The following SHOC1 variants were observed in gnomAD, a reference collection of about 807,000 sequenced individuals.
SHOC1 encodes shortage in chiasmata 1, also known as protein shortage in chiasmata 1 ortholog.
In SHOC1, 136 loss-of-function variants were observed where a neutral mutation model predicts 179.2. The ratio of observed to expected loss-of-function variants is 0.76; its 90% CI spans 0.66 to 0.87. The LOEUF is 0.87. Among genes scored for constraint, SHOC1 ranks in the 40% least tolerant of loss-of-function variants. The pLI, the probability that SHOC1 is intolerant of heterozygous loss-of-function variation, is 0.00. For synonymous variants in SHOC1, 489 were observed against 586.6 expected (o/e 0.83, Z 2.41); for missense variants, 1,538 against 1,700.8 (o/e 0.90, Z 1.68).
intron 10 of SHOC1, 43 bp downstream of exon 10, chr9:111,746,191 G>T: frequency 7.7e-7 from 1 of 1,299,288 alleles, no homozygotes; most frequent in Non-Finnish European, 1.1e-6. Flanking sequence ...AAGACTGCTT[G>T]TTCTGAATTG....
intron 26 of SHOC1, 124 bp downstream of exon 26, chr9:111,693,675 T>C (rs182236266): frequency 1.2e-5 from 6 of 499,732 alleles, no homozygotes; most frequent in African/African-American, 2.0e-5. Flanking sequence ...ATTATTTCCT[T>C]GCTATTTGAA....
intron 2 of SHOC1, among the ~76,000 whole-genome samples, chr9:111,788,989 C>T (rs140795708): frequency 2.0e-3 from 299 of 152,290 alleles, no homozygotes; most frequent in Non-Finnish European, 2.5e-3. Flanking sequence ...CCTCTGAAAA[C>T]GCCCTGTTAT....
Position 111,692,731 on chromosome 9 carries a change from CTA to C in SHOC1, c.3466-222_3466-221del, listed in dbSNP as rs111914352. 2.9e-3 allele frequency among the ~76,000 whole-genome samples: 447 copies of C among 152,178 alleles called. 1 individual carries two copies. The highest frequency in any genetic ancestry group is 9.9e-3 in the African/African-American group (412 of 41,532). ...CACTTGTAATAGAATTTTTAATAGT[CTA>C]TTTTTCAGAACAATTTTAGGCTCAC... On this transcript the variant is annotated intron_variant, in intron 26 of 27. Coordinates refer to ENST00000682961, the MANE Select transcript of SHOC1 (RefSeq NM_001378211.1).
At chr9:111,712,550 A>G (rs1161305518) in intron 18 of SHOC1, among the ~76,000 whole-genome samples, 2 of 152,188 alleles carry the variant, frequency 1.3e-5, no homozygotes, top group African/African-American at 2.4e-5. Flanking sequence ...AAGAAAGAGC[A>G]GAGTTTGCAT....
In SHOC1 at chr9:111,714,569, C is replaced by A; in HGVS notation, c.2291G>T (p.Gly764Val). The A allele has an allele frequency of 3.1e-6, 5 of 1,613,840 alleles. No homozygotes were observed. Among genetic ancestry groups the A allele is most frequent in the Non-Finnish European group, 4.2e-6 (5 of 1,179,908 alleles). Reference sequence around the variant, plus strand: ...AATCTCCAGCTGTCTCCAAATGTCACCCAAATAGGGGCCTAAAATGCTGTT... The same window carrying A: ...AATCTCCAGCTGTCTCCAAATGTCAACCAAATAGGGGCCTAAAATGCTGTT... The part of the protein sequence containing the change: ...IYNSILGPYL[G>V]DIWRQLEIVQ... The change falls in exon 17 of 28, where the codon GGT becomes GTT. Residue 764 changes from glycine (G) to valine (V), a missense_variant. Coordinates refer to ENST00000682961, the MANE Select transcript of SHOC1 (RefSeq NM_001378211.1).
intron 1 of SHOC1, among the ~76,000 whole-genome samples, chr9:111,793,043 C>A (rs1364550917): frequency 6.6e-6 from 1 of 152,116 alleles, no homozygotes; most frequent in Non-Finnish European, 1.5e-5. Flanking sequence ...CCAACACGCC[C>A]GGCTAATTTT....
In SHOC1 at chr9:111,727,635, T is replaced by C. The variant is rs778533059; in HGVS notation, c.1832A>G (p.His611Arg). 36 of 1,563,378 alleles carry C rather than the reference T, an allele frequency of 2.3e-5. No homozygotes were observed. Among genetic ancestry groups the C allele is most frequent in the Non-Finnish European group, 2.5e-5 (29 of 1,159,392 alleles). ...CAAAATATTATTAAATTACTTACCATGTTTTTCATCACTGTTTGTGACTTC... is the reference window on the plus strand; with the variant it reads ...CAAAATATTATTAAATTACTTACCACGTTTTTCATCACTGTTTGTGACTTC... ...KTEVTNSDEK[H>R]DKEACSLTLQ... The change falls in exon 13 of 28, where the codon CAT becomes CGT. Residue 611 changes from histidine (H) to arginine (R), a missense_variant and splice_region_variant. By Grantham distance (29) the His-to-Arg change is conservative. Coordinates refer to ENST00000682961, the MANE Select transcript of SHOC1 (RefSeq NM_001378211.1).
At chr9:111,788,584 T>C (rs1047523216) in intron 2 of SHOC1, among the ~76,000 whole-genome samples, 2 of 152,190 alleles carry the variant, frequency 1.3e-5, no homozygotes, top group Non-Finnish European at 2.9e-5. Flanking sequence ...CCTACAGATA[T>C]TTTTTCTAGG....
intron 24 of SHOC1, among the ~76,000 whole-genome samples, chr9:111,699,561 G>T (rs1402876232): frequency 6.6e-6 from 1 of 152,190 alleles, no homozygotes; most frequent in African/African-American, 2.4e-5. Context: ...CACTGAAAAA[G>T]GGGGCCAAGG....
intron 24 of SHOC1, among the ~76,000 whole-genome samples, chr9:111,697,355 C>T (rs573861640): frequency 2.6e-5 from 4 of 152,216 alleles, no homozygotes; most frequent in Admixed American, 6.5e-5. Context: ...CGCCACCCCA[C>T]GACAGGCCCC....
At chr9:111,713,532 C>T (rs1034126138) in intron 17 of SHOC1, among the ~76,000 whole-genome samples, 1 of 152,124 alleles carries the variant, frequency 6.6e-6, no homozygotes, top group Non-Finnish European at 1.5e-5. Flanking sequence ...CTTACCATTA[C>T]AGTTTTGTGG....
At chr9:111,770,395 T>G (rs1835554270) in intron 5 of SHOC1, among the ~76,000 whole-genome samples, 1 of 152,208 alleles carries the variant, frequency 6.6e-6, no homozygotes, top group Non-Finnish European at 1.5e-5. Flanking sequence ...CTTGATATGA[T>G]TTCTATTTTG....
At chr9:111,782,224 G>T (rs1016631180) in intron 3 of SHOC1, among the ~76,000 whole-genome samples, 2 of 151,966 alleles carry the variant, frequency 1.3e-5, no homozygotes, top group Non-Finnish European at 2.9e-5. Flanking sequence ...AATAAAAAAA[G>T]AAAAAAAGTT....
At chr9:111,773,086 C>G (rs1485568270) in intron 5 of SHOC1, among the ~76,000 whole-genome samples, 1 of 151,968 alleles carries the variant, frequency 6.6e-6, no homozygotes, top group Non-Finnish European at 1.5e-5. Flanking sequence ...TTCTCTGTGT[C>G]CCTAGGATCT....
intron 14 of SHOC1, 115 bp from the exon 15 acceptor site, chr9:111,722,700 G>T: frequency 1.3e-6 from 1 of 772,900 alleles, no homozygotes; most frequent in Non-Finnish European, 2.0e-6. Flanking sequence ...ATTATTTTCT[G>T]AGTTAAAAAT....
intron 18 of SHOC1, among the ~76,000 whole-genome samples, chr9:111,711,329 G>T (rs537255714): frequency 3.2e-4 from 48 of 152,218 alleles, no homozygotes; most frequent in East Asian, 1.4e-3. Flanking sequence ...TTTCTTAATT[G>T]ATTCTTTCTG....
At position 111,686,609 on chromosome 9, in the gene SHOC1, C is replaced by A; in HGVS notation, c.*161G>T. Reference sequence around the variant, plus strand: ...ATATTTAACTTACAAAGATGCAAACCATAGGGCAGAATACATATTATGAAT... The same window carrying A: ...ATATTTAACTTACAAAGATGCAAACAATAGGGCAGAATACATATTATGAAT... On this transcript the variant is annotated 3_prime_UTR_variant, in exon 28 of 28. Coordinates refer to ENST00000682961, the MANE Select transcript of SHOC1 (RefSeq NM_001378211.1). 1.9e-6 allele frequency: 1 copy of A among 523,020 alleles called. No homozygotes were observed. The highest frequency in any genetic ancestry group is 3.3e-5 in the East Asian group (1 of 30,078). 32.4% of individuals were successfully genotyped at this position (523,020 alleles called of 1,614,324 possible). A position where few individuals can be genotyped will look rare whatever the true frequency, so the allele number is the denominator to read the frequency against.
chr9:111,723,771 T>C (rs1198633331), intron 14 of SHOC1, 21 bp downstream of exon 14: 1 of 1,605,324 alleles, frequency 6.2e-7, no homozygotes, highest in Non-Finnish European at 8.5e-7. Context: ...CTGAAATGCA[T>C]TTTAAAAGCA....
At chr9:111,731,861 T>C (rs892554360) in intron 12 of SHOC1, among the ~76,000 whole-genome samples, 11 of 152,140 alleles carry the variant, frequency 7.2e-5, no homozygotes, top group African/African-American at 2.4e-4. Flanking sequence ...AATTCTAAAG[T>C]TGGAAATGCT....
Sources: gnomAD v4.1 joint callset for allele counts (sites outside exome capture counted in the v4.1 genomes callset) on GRCh38, gnomAD v4.1.1 for gene constraint, MANE v1.5 for transcripts, NCBI Gene and HGNC (gene_info 2026-07-23, HGNC 2026-07-21) for gene names.